The following AKAP6 variants were observed in gnomAD, a reference collection of about 807,000 sequenced individuals.
The protein encoded by AKAP6 is A-kinase anchoring protein 6.
AKAP6 carries 58 observed loss-of-function variants against 188.5 expected under a neutral mutation model. The ratio of observed to expected loss-of-function variants is 0.31; its 90% CI spans 0.25 to 0.38. AKAP6 has a LOEUF of 0.38. Ranked by LOEUF, AKAP6 falls within the 10% of genes least tolerant of loss-of-function variation. The pLI, the probability that AKAP6 is intolerant of heterozygous loss-of-function variation, is 1.00. For missense variants in AKAP6, 2,710 were observed against 2,740.0 expected (o/e 0.99, Z 0.24); for synonymous variants, 989 against 998.6 (o/e 0.99, Z 0.18).
At chr14:32,488,104 T>G (rs1879801341) in intron 2 of AKAP6, among the ~76,000 whole-genome samples, 2 of 152,190 alleles carry the variant, frequency 1.3e-5, no homozygotes, top group African/African-American at 2.4e-5. Flanking sequence ...CAGGCAAATT[T>G]AAGTCTGCTA....
intron 2 of AKAP6, among the ~76,000 whole-genome samples, chr14:32,532,495 CT>C (rs1332637702): frequency 6.6e-6 from 1 of 152,136 alleles, no homozygotes; most frequent in Non-Finnish European, 1.5e-5. Flanking sequence ...TGACCTTGTT[CT>C]GACTACGTTC....
Position 32,576,202 on chromosome 14 carries a change from G to A in AKAP6, c.2347-918G>A, listed in dbSNP as rs535988566. On this transcript the variant is annotated intron_variant, in intron 4 of 13. Coordinates refer to ENST00000280979, the MANE Select transcript of AKAP6 (RefSeq NM_004274.5). Reference sequence around the variant, plus strand: ...TTTGAAAGGCACATCTGAAGAATGGGTTAAGTTTAATAGGGAAACGGCATC... The same window carrying A: ...TTTGAAAGGCACATCTGAAGAATGGATTAAGTTTAATAGGGAAACGGCATC... Among the ~76,000 whole-genome samples, 140 of 152,190 alleles carry A rather than the reference G, an allele frequency of 9.2e-4. 1 individual carries two copies. Among genetic ancestry groups the A allele is most frequent in the South Asian group, 6.2e-3 (30 of 4,812 alleles).
intron 4 of AKAP6, among the ~76,000 whole-genome samples, chr14:32,573,148 A>G (rs147010296): frequency 1.3e-5 from 2 of 152,330 alleles, no homozygotes; most frequent in Non-Finnish European, 2.9e-5. Context: ...GACAATAAGG[A>G]CACTGGTAGA....
chr14:32,510,368 G>A lies in AKAP6; in HGVS notation c.325-25186G>A, dbSNP rs566915699. On this transcript the variant is annotated intron_variant, in intron 2 of 13. Coordinates refer to ENST00000280979, the MANE Select transcript of AKAP6 (RefSeq NM_004274.5). ...AACATATGGATACATATATATATGTGTATATATATGTGTATATATATATGT... is the reference window on the plus strand; with the variant it reads ...AACATATGGATACATATATATATGTATATATATATGTGTATATATATATGT... Among the ~76,000 whole-genome samples, 124 of 91,018 alleles carry A rather than the reference G, an allele frequency of 1.4e-3. 1 individual carries two copies. The highest frequency in any genetic ancestry group is 6.3e-3 in the Admixed American group (48 of 7,636). The allele number at this position is 91,018 out of a possible 152,430, so 59.7% of individuals were successfully genotyped here.
chr14:32,461,309 CACCTCATTCAGGAGAG>C (rs2138821699), intron 2 of AKAP6, among the ~76,000 whole-genome samples: 1 of 152,310 alleles, frequency 6.6e-6, no homozygotes, highest in African/African-American at 2.4e-5. Flanking sequence ...GGGTCAAAGA[CACCTCATTCAGGAGAG>C]CTCGGGCTAA....
intron 11 of AKAP6, among the ~76,000 whole-genome samples, chr14:32,743,722 T>A (rs2139873082): frequency 6.6e-6 from 1 of 152,356 alleles, no homozygotes; most frequent in South Asian, 2.1e-4. Flanking sequence ...GTTTATATTT[T>A]GTTGTACTGT....
chr14:32,510,134 T>TA (rs1755024223), intron 2 of AKAP6, among the ~76,000 whole-genome samples: 2 of 151,934 alleles, frequency 1.3e-5, no homozygotes. Flanking sequence ...CCAGGGCTCT[T>TA]ACACAAAAGC....
intron 7 of AKAP6, among the ~76,000 whole-genome samples, chr14:32,671,840 T>C (rs1889210024): frequency 6.6e-6 from 1 of 152,178 alleles, no homozygotes; most frequent in Non-Finnish European, 1.5e-5. Flanking sequence ...TTCAGGATGC[T>C]TAACCCAACA....
intron 7 of AKAP6, among the ~76,000 whole-genome samples, chr14:32,642,495 T>C (rs1887801282): frequency 6.6e-6 from 1 of 152,208 alleles, no homozygotes; most frequent in African/African-American, 2.4e-5. Flanking sequence ...TTGGCAGCTG[T>C]ATAGTTTTTT....
At chr14:32,584,964 T>G (rs2139297335) in intron 5 of AKAP6, among the ~76,000 whole-genome samples, 1 of 152,286 alleles carries the variant, frequency 6.6e-6, no homozygotes, top group South Asian at 2.1e-4. Flanking sequence ...CTAAAAGCTA[T>G]ATTTGAGTAG....
chr14:32,577,348 G>T, intron 5 of AKAP6, 106 bp downstream of exon 5: 2 of 1,478,172 alleles, frequency 1.4e-6, no homozygotes, highest in Non-Finnish European at 1.8e-6. Context: ...GTTACTATAT[G>T]TCAATGAAAC....
intron 8 of AKAP6, among the ~76,000 whole-genome samples, chr14:32,687,400 A>ATCTCTCTCTCTC (rs71115092): frequency 1.6e-4 from 21 of 128,994 alleles, no homozygotes; most frequent in South Asian, 7.8e-4. Context: ...CATACTAACT[A>ATCTCTCTCTCTC]TCTCTCTCTC....
At chr14:32,579,794 G>T (rs557130894) in intron 5 of AKAP6, among the ~76,000 whole-genome samples, 2 of 152,180 alleles carry the variant, frequency 1.3e-5, no homozygotes, top group South Asian at 4.1e-4. Flanking sequence ...TCCCATAAAA[G>T]AAAATGTATG....
chr14:32,735,887 T>G lies in AKAP6; in HGVS notation c.3372+5T>G, dbSNP rs2139843411. On this transcript the variant is annotated splice_donor_5th_base_variant and intron_variant, in intron 11 of 13. Coordinates refer to ENST00000280979, the MANE Select transcript of AKAP6 (RefSeq NM_004274.5). ...AAACAACTGCAATACTTTAAGGTAATAAAAAAACAATCAAAGTTGATAAAA... is the reference window on the plus strand; with the variant it reads ...AAACAACTGCAATACTTTAAGGTAAGAAAAAAACAATCAAAGTTGATAAAA... 1 of 1,568,072 alleles carries G rather than the reference T, an allele frequency of 6.4e-7. No homozygotes were observed. The highest frequency in any genetic ancestry group is 1.2e-5 in the South Asian group (1 of 84,612).
chr14:32,365,762 TCTC>T (rs1268310585), intron 1 of AKAP6, among the ~76,000 whole-genome samples: 1 of 151,990 alleles, frequency 6.6e-6, no homozygotes, highest in African/African-American at 2.4e-5. Context: ...CCTCCCCACT[TCTC>T]CTGGAGGAAG....
chr14:32,540,131 GCTCTCTCTCTCTCTCTCTCTCT>G (rs1216788649), intron 3 of AKAP6, among the ~76,000 whole-genome samples: 1 of 66,504 alleles, frequency 1.5e-5, no homozygotes, highest in South Asian at 6.5e-4. Flanking sequence ...TTGCTCGTGC[GCTCTCTCTCTCTCTCTCTCTCT>G]CTCTCTCTCT....
chr14:32,583,934 G>A (rs549950889), intron 5 of AKAP6, among the ~76,000 whole-genome samples: 2 of 152,204 alleles, frequency 1.3e-5, no homozygotes, highest in Non-Finnish European at 2.9e-5. Context: ...ATTCCCGAGG[G>A]AGGCAATGCC....
intron 1 of AKAP6, among the ~76,000 whole-genome samples, chr14:32,345,464 T>C (rs1200718682): frequency 6.6e-6 from 1 of 152,240 alleles, no homozygotes; most frequent in Non-Finnish European, 1.5e-5. Context: ...CAGTAGCATC[T>C]GAGCTTGAAT....
intron 1 of AKAP6, among the ~76,000 whole-genome samples, chr14:32,404,691 G>GATAGATAGATATATAT: frequency 5.4e-4 from 24 of 44,430 alleles, no homozygotes; most frequent in Admixed American, 8.8e-4. Flanking sequence ...GGAGTCAGGA[G>GATAGATAGATATATAT]ATATATATAT....
Sources: gnomAD v4.1 joint callset for allele counts (sites outside exome capture counted in the v4.1 genomes callset) on GRCh38, gnomAD v4.1.1 for gene constraint, MANE v1.5 for transcripts, NCBI Gene and HGNC (gene_info 2026-07-23, HGNC 2026-07-21) for gene names.